AGBL1: variants seen among roughly 807,000 people sequenced by gnomAD.
The protein encoded by AGBL1 is AGBL carboxypeptidase 1.
Under a neutral mutation model 118.9 loss-of-function variants are expected in AGBL1, and 130 were observed. The ratio of observed to expected loss-of-function variants is 1.09; its 90% CI spans 0.95 to 1.26. The LOEUF (loss-of-function observed/expected upper bound fraction) is 1.26. Ranked by LOEUF, AGBL1 falls within the 50% of genes most tolerant of loss-of-function variation. AGBL1 has a pLI of 0.00. For synonymous variants in AGBL1, 555 were observed against 478.9 expected, an observed-to-expected ratio of 1.16 and a Z score of -2.08; for missense variants, 1,584 against 1,298.1, an observed-to-expected ratio of 1.22 and a Z score of -3.38.
chr15:86,725,601 C>T (rs1307861148), intron 22 of AGBL1, among the ~76,000 whole-genome samples: 1 of 152,194 alleles, frequency 6.6e-6, no homozygotes. Flanking sequence ...CATGTGTGAA[C>T]ATGTGTGTGG....
At chr15:86,527,250 C>A (rs2083280237) in intron 19 of AGBL1, among the ~76,000 whole-genome samples, 1 of 152,306 alleles carries the variant, frequency 6.6e-6, no homozygotes, top group South Asian at 2.1e-4. Context: ...CACATTTAAA[C>A]ACGCACACAT....
chr15:86,388,031 G>A (rs896238424), intron 17 of AGBL1, among the ~76,000 whole-genome samples: 1 of 152,116 alleles, frequency 6.6e-6, no homozygotes, highest in African/African-American at 2.4e-5. Flanking sequence ...TCTGGTGAAG[G>A]CAAATGGTTT....
intron 22 of AGBL1, among the ~76,000 whole-genome samples, chr15:86,759,929 G>A (rs564166542): frequency 1.3e-5 from 2 of 152,150 alleles, no homozygotes; most frequent in South Asian, 4.1e-4. Flanking sequence ...CAGGCATTCT[G>A]ACATTTGGAA....
At chr15:86,180,042 TGAAA>T (rs2077531564) in intron 5 of AGBL1, among the ~76,000 whole-genome samples, 1 of 139,114 alleles carries the variant, frequency 7.2e-6, no homozygotes, top group Non-Finnish European at 1.7e-5. Flanking sequence ...TTGAAACAAA[TGAAA>T]GAAGACATAA....
At chr15:86,927,148 TA>T (rs2080550059) in intron 23 of AGBL1, among the ~76,000 whole-genome samples, 2 of 148,892 alleles carry the variant, frequency 1.3e-5, no homozygotes, top group Middle Eastern at 3.4e-3. Flanking sequence ...TAAAAATAAA[TA>T]AATAAATAAA....
intron 18 of AGBL1, among the ~76,000 whole-genome samples, chr15:86,452,050 G>A (rs2082199734): frequency 6.6e-6 from 1 of 152,080 alleles, no homozygotes; most frequent in Admixed American, 6.6e-5. Flanking sequence ...ATGGATTGGT[G>A]GAGGAGCCTT....
At chr15:86,080,743 A>T (rs117691513) in intron 1 of AGBL1, among the ~76,000 whole-genome samples, 4,117 of 152,308 alleles carry the variant, frequency 0.027, 80 homozygotes, top group Admixed American at 0.049. Context: ...TCTAGGGATC[A>T]ATCCGAGCGT....
At chr15:86,819,159 C>A (rs1486037790) in intron 22 of AGBL1, among the ~76,000 whole-genome samples, 1 of 151,930 alleles carries the variant, frequency 6.6e-6, no homozygotes, top group African/African-American at 2.4e-5. Flanking sequence ...AAATCTAACA[C>A]TGAAGGGTAT....
intron 24 of AGBL1, among the ~76,000 whole-genome samples, chr15:87,004,786 A>C (rs2081480812): frequency 6.6e-6 from 1 of 152,076 alleles, no homozygotes; most frequent in Non-Finnish European, 1.5e-5. Flanking sequence ...CCTAGCATTG[A>C]TGGTCTTTCT....
At chr15:86,901,648 G>T (rs2080213627) in intron 22 of AGBL1, among the ~76,000 whole-genome samples, 1 of 151,792 alleles carries the variant, frequency 6.6e-6, no homozygotes, top group Non-Finnish European at 1.5e-5. Context: ...TGTTTTTGTT[G>T]GTGATTTGGT....
At chr15:86,680,184 A>G (rs1445654628) in intron 22 of AGBL1, among the ~76,000 whole-genome samples, 1 of 152,206 alleles carries the variant, frequency 6.6e-6, no homozygotes, top group Non-Finnish European at 1.5e-5. Flanking sequence ...TATTCAGATC[A>G]TTTTAAAATT....
At chr15:86,937,988 T>G (rs1005587383) in intron 23 of AGBL1, among the ~76,000 whole-genome samples, 1 of 152,188 alleles carries the variant, frequency 6.6e-6, no homozygotes, top group African/African-American at 2.4e-5. Flanking sequence ...ATGTATTAAA[T>G]TAAATAGAAG....
intron 21 of AGBL1, among the ~76,000 whole-genome samples, chr15:86,636,754 T>TAC (rs1567095888): frequency 3.9e-5 from 2 of 51,548 alleles, no homozygotes; most frequent in African/African-American, 1.1e-4. Context: ...TATATATATA[T>TAC]ATATACACAT....
chr15:86,700,337 G>A (rs1034206419), intron 22 of AGBL1, among the ~76,000 whole-genome samples: 1 of 151,812 alleles, frequency 6.6e-6, no homozygotes, highest in African/African-American at 2.4e-5. Context: ...GTATGTTCTA[G>A]GTTCATCTTG....
At chr15:86,527,855 A>G (rs1302310242) in intron 19 of AGBL1, among the ~76,000 whole-genome samples, 2 of 152,164 alleles carry the variant, frequency 1.3e-5, no homozygotes, top group African/African-American at 4.8e-5. Flanking sequence ...TTCACTTTAT[A>G]GTGAATATGG....
intron 24 of AGBL1, among the ~76,000 whole-genome samples, chr15:87,015,173 G>A (rs1314443334): frequency 6.6e-6 from 1 of 152,072 alleles, no homozygotes; most frequent in Non-Finnish European, 1.5e-5. Flanking sequence ...AGCCTCCCAG[G>A]CCTCTCAAGT....
At chr15:86,814,899 A>G (rs921154655) in intron 22 of AGBL1, among the ~76,000 whole-genome samples, 4 of 152,182 alleles carry the variant, frequency 2.6e-5, no homozygotes, top group African/African-American at 9.7e-5. Context: ...GACGAAATGC[A>G]TTAAAGTTTC....
intron 18 of AGBL1, among the ~76,000 whole-genome samples, chr15:86,483,336 G>C (rs2142127908): frequency 6.6e-6 from 1 of 152,222 alleles, no homozygotes; most frequent in South Asian, 2.1e-4. Flanking sequence ...CTGCAAAAGA[G>C]AGGGGCAGTT....
At position 86,405,357 on chromosome 15, in the gene AGBL1, C is replaced by CAA. The variant is rs5814240; in HGVS notation, c.2555+7819_2555+7820dup. Among the ~76,000 whole-genome samples, 472 of 150,692 alleles carry CAA rather than the reference C, an allele frequency of 3.1e-3. 7 individuals carry two copies. The East Asian group carries it at 0.04, about 13-fold the overall frequency. On this transcript the variant is annotated intron_variant, in intron 18 of 22. Transcript: ENST00000614907. The stretch of plus-strand genomic sequence containing the variant: ...AAACCCCGTCTCTATTAAAAAATAC[C>CAA]AAAAAAAAATTAGCCAGCTGTGGTG...
Sources: allele counts gnomAD v4.1 joint callset (sites outside exome capture counted in the v4.1 genomes callset), GRCh38; gene constraint gnomAD v4.1.1; transcripts MANE v1.5; gene names NCBI Gene and HGNC (gene_info 2026-07-23, HGNC 2026-07-21).